The following PRDM5 variants were observed in gnomAD, a reference collection of about 807,000 sequenced individuals.
The protein encoded by PRDM5 is PR/SET domain 5.
PRDM5 carries 56 observed loss-of-function variants against 81.2 expected under a neutral mutation model. The observed-to-expected ratio is 0.69, with a 90% CI of 0.56 to 0.86. PRDM5 has a LOEUF of 0.86. Among genes scored for constraint, PRDM5 ranks in the 40% least tolerant of loss-of-function variants. The pLI is 0.00. For missense variants in PRDM5, 697 were observed against 770.1 expected (o/e 0.91, Z 1.12); for synonymous variants, 267 against 256.4 (o/e 1.04, Z -0.39).
chr4:120,744,051 G>A (rs1459637173), intron 14 of PRDM5, among the ~76,000 whole-genome samples: 4 of 152,040 alleles, frequency 2.6e-5, no homozygotes. Context: ...CTCAGCAAAT[G>A]TAAAAGAAGA....
At chr4:120,853,633 A>G (rs1034932540) in intron 2 of PRDM5, 93 bp from the exon 3 acceptor site, 29 of 1,513,834 alleles carry the variant, frequency 1.9e-5, no homozygotes, top group Non-Finnish European at 2.4e-5. Flanking sequence ...TTTCATAAGT[A>G]TATACCTTTT....
intron 3 of PRDM5, among the ~76,000 whole-genome samples, chr4:120,846,629 T>G (rs889990925): frequency 2.0e-5 from 3 of 152,224 alleles, no homozygotes; most frequent in Non-Finnish European, 2.9e-5. Flanking sequence ...AGATACTCAC[T>G]TTCTTGGAGT....
At chr4:120,837,535 A>G (rs1004978196) in intron 3 of PRDM5, 6 of 152,196 alleles carry the variant, frequency 3.9e-5, no homozygotes, top group African/African-American at 1.4e-4. Flanking sequence ...ATTCCAACCA[A>G]TGTCATGTTG....
intron 2 of PRDM5, among the ~76,000 whole-genome samples, chr4:120,863,225 C>CACACACACACACACACACACAT (rs1553997195): frequency 7.2e-6 from 1 of 138,658 alleles, no homozygotes; most frequent in South Asian, 2.3e-4. Flanking sequence ...CACACACACA[C>CACACACACACACACACACACAT]ATATATATGT....
chr4:120,696,528 G>C (rs944863383), intron 15 of PRDM5, among the ~76,000 whole-genome samples: 1 of 152,068 alleles, frequency 6.6e-6, no homozygotes, highest in African/African-American at 2.4e-5. Context: ...GAACCACCTG[G>C]AATTCTGACT....
intron 3 of PRDM5, among the ~76,000 whole-genome samples, chr4:120,849,387 G>A (rs1306308101): frequency 2.6e-5 from 4 of 152,102 alleles, no homozygotes; most frequent in Admixed American, 2.6e-4. Flanking sequence ...CAAAATAACT[G>A]CTGGTAATGA....
chr4:120,734,701 A>G (rs1330016732), intron 14 of PRDM5, among the ~76,000 whole-genome samples: 3 of 151,898 alleles, frequency 2.0e-5, no homozygotes, highest in Admixed American at 6.6e-5. Flanking sequence ...TTCCTTTTGG[A>G]CAATATTCTG....
chr4:120,784,997 C>G lies in PRDM5; in HGVS notation c.1282+1G>C, dbSNP rs1272853346. 6.3e-7 allele frequency: 1 copy of G among 1,584,416 alleles called. No individual in the cohort carries two copies. Among genetic ancestry groups the G allele is most frequent in the South Asian group, 1.1e-5 (1 of 90,524 alleles). ...TCTCAACTGCCTGAATCGTGACTTACTGTTATGTATTAGCAGGTGTCTCTG... is the reference window on the plus strand; with the variant it reads ...TCTCAACTGCCTGAATCGTGACTTAGTGTTATGTATTAGCAGGTGTCTCTG... On this transcript the variant is annotated splice_donor_variant, in intron 11 of 15. Transcript: ENST00000264808. LOFTEE classifies it high-confidence loss of function.
At chr4:120,823,733 C>A (rs1214375702) in intron 3 of PRDM5, among the ~76,000 whole-genome samples, 1 of 152,208 alleles carries the variant, frequency 6.6e-6, no homozygotes, top group Non-Finnish European at 1.5e-5. Context: ...GAGGCTCATC[C>A]CAGGCCTAAT....
chr4:120,871,993 A>C (rs1470782420), intron 2 of PRDM5, among the ~76,000 whole-genome samples: 1 of 151,748 alleles, frequency 6.6e-6, no homozygotes, highest in Non-Finnish European at 1.5e-5. Flanking sequence ...TCTACTAAAA[A>C]TTCAAAAATT....
At chr4:120,734,230 G>A (rs1013852851) in intron 14 of PRDM5, among the ~76,000 whole-genome samples, 1 of 151,150 alleles carries the variant, frequency 6.6e-6, no homozygotes, top group African/African-American at 2.4e-5. Context: ...CCGCTGTAGG[G>A]GATGGGGGAG....
At chr4:120,868,218 G>A (rs1761406610) in intron 2 of PRDM5, among the ~76,000 whole-genome samples, 1 of 151,870 alleles carries the variant, frequency 6.6e-6, no homozygotes, top group Non-Finnish European at 1.5e-5. Flanking sequence ...CTTAATCAGA[G>A]GTTTTGCATA....
At chr4:120,720,928 AAAC>A (rs1346116479) in intron 14 of PRDM5, among the ~76,000 whole-genome samples, 26 of 152,364 alleles carry the variant, frequency 1.7e-4, no homozygotes, top group Admixed American at 1.6e-3. Flanking sequence ...AGAACACTAA[AAAC>A]AAGCACAGTG....
intron 8 of PRDM5, among the ~76,000 whole-genome samples, chr4:120,804,491 A>AC (rs1384826716): frequency 6.6e-6 from 1 of 152,246 alleles, no homozygotes; most frequent in Admixed American, 6.5e-5. Context: ...AGAAATTATA[A>AC]CAAACTATCT....
chr4:120,816,232 ATAAT>A (rs1754466124), intron 7 of PRDM5: 4 of 681,504 alleles, frequency 5.9e-6, no homozygotes, highest in Non-Finnish European at 9.9e-6. Context: ...GCTTACAGTT[ATAAT>A]TAATTCAGGA....
intron 13 of PRDM5, among the ~76,000 whole-genome samples, chr4:120,770,363 G>A (rs1747090285): frequency 6.6e-6 from 1 of 151,948 alleles, no homozygotes; most frequent in Non-Finnish European, 1.5e-5. Context: ...TTTCAAACAT[G>A]AGGAAATGTT....
chr4:120,756,714 CT>C (rs1246195784), intron 13 of PRDM5, among the ~76,000 whole-genome samples: 2 of 152,108 alleles, frequency 1.3e-5, no homozygotes, highest in African/African-American at 4.8e-5. Context: ...TCATTTTCTT[CT>C]TCATAAAGTA....
intron 14 of PRDM5, among the ~76,000 whole-genome samples, chr4:120,751,141 T>G (rs1372002126): frequency 1.3e-5 from 2 of 152,092 alleles, no homozygotes; most frequent in African/African-American, 4.8e-5. Flanking sequence ...ACTCCTGGCC[T>G]CAAGCAATCC....
chr4:120,836,833 TA>T (rs756025848), intron 3 of PRDM5, among the ~76,000 whole-genome samples: 2 of 152,292 alleles, frequency 1.3e-5, no homozygotes, highest in South Asian at 2.1e-4. Context: ...ACTACTACTT[TA>T]GGGGGGGTTG....
Sources: gnomAD v4.1 joint callset for allele counts (sites outside exome capture counted in the v4.1 genomes callset) on GRCh38, gnomAD v4.1.1 for gene constraint, MANE v1.5 for transcripts, NCBI Gene and HGNC (gene_info 2026-07-23, HGNC 2026-07-21) for gene names.